The following HMGB1 variants were observed in gnomAD, a reference collection of about 807,000 sequenced individuals.
The protein encoded by HMGB1 is high mobility group protein B1.
For missense variants in HMGB1, 79 were observed against 253.5 expected (o/e 0.31, Z 4.67); for synonymous variants, 81 against 84.0 (o/e 0.96, Z 0.19).
At chr13:30,556,493 A>G (rs1869697367) in intron 1 of HMGB1, among the ~76,000 whole-genome samples, 1 of 152,232 alleles carries the variant, frequency 6.6e-6, no homozygotes, top group Non-Finnish European at 1.5e-5. Context: ...AATAGCCAAG[A>G]TATGGAGTCA....
chr13:30,492,634 T>C (rs759353908), intron 1 of HMGB1, among the ~76,000 whole-genome samples: 1 of 152,178 alleles, frequency 6.6e-6, no homozygotes, highest in Non-Finnish European at 1.5e-5. Context: ...TTGGTGAAGA[T>C]GTACAACTGC....
chr13:30,494,996 G>A (rs1887579028), intron 1 of HMGB1, among the ~76,000 whole-genome samples: 1 of 152,182 alleles, frequency 6.6e-6, no homozygotes, highest in African/African-American at 2.4e-5. Flanking sequence ...TGTAGTCTGT[G>A]TGAGCATTTC....
At chr13:30,608,669 A>T (rs954297491) in intron 1 of HMGB1, among the ~76,000 whole-genome samples, 2 of 152,192 alleles carry the variant, frequency 1.3e-5, no homozygotes, top group Non-Finnish European at 2.9e-5. Flanking sequence ...TTACACAGTA[A>T]ATGTAGTGGG....
At chr13:30,571,310 T>TC (rs1566028587) in intron 1 of HMGB1, among the ~76,000 whole-genome samples, 2 of 151,292 alleles carry the variant, frequency 1.3e-5, no homozygotes, top group Non-Finnish European at 2.9e-5. Flanking sequence ...TTTTTTTTTT[T>TC]CCGAGATGGA....
intron 1 of HMGB1, chr13:30,464,636 A>G: frequency 2.0e-6 from 2 of 983,412 alleles, no homozygotes; most frequent in Non-Finnish European, 2.4e-6. Flanking sequence ...CCCCGCTCGA[A>G]ATGGGGGCTG....
At chr13:30,607,510 G>A (rs1028318825) in intron 1 of HMGB1, among the ~76,000 whole-genome samples, 3 of 152,144 alleles carry the variant, frequency 2.0e-5, no homozygotes, top group Non-Finnish European at 2.9e-5. Context: ...AGTTTCCTGA[G>A]GCCTCCCCAG....
At chr13:30,497,648 C>A (rs950249068) in intron 1 of HMGB1, among the ~76,000 whole-genome samples, 20 of 152,082 alleles carry the variant, frequency 1.3e-4, no homozygotes, top group African/African-American at 4.8e-4. Context: ...TTGTTCCCCT[C>A]TTTGTATCCG....
chr13:30,569,690 A>G (rs1870346518), intron 1 of HMGB1, among the ~76,000 whole-genome samples: 1 of 152,196 alleles, frequency 6.6e-6, no homozygotes, highest in African/African-American at 2.4e-5. Flanking sequence ...GCTCTTAATC[A>G]CATCAACTTC....
chr13:30,503,022 A>T (rs1040236416), intron 1 of HMGB1, among the ~76,000 whole-genome samples: 1 of 151,954 alleles, frequency 6.6e-6, no homozygotes, highest in Admixed American at 6.6e-5. Flanking sequence ...GGTGAAGGAG[A>T]GGGATACAAA....
intron 1 of HMGB1, among the ~76,000 whole-genome samples, chr13:30,497,266 A>G (rs1376733652): frequency 6.6e-6 from 1 of 151,908 alleles, no homozygotes; most frequent in Admixed American, 6.6e-5. Context: ...ATTCTCTGTC[A>G]CCCGGGCTTG....
intron 1 of HMGB1, among the ~76,000 whole-genome samples, chr13:30,492,392 A>G (rs184248159): frequency 1.1e-3 from 168 of 152,336 alleles, no homozygotes; most frequent in African/African-American, 3.8e-3. Flanking sequence ...AATATTTGCA[A>G]TACATATAAT....
At chr13:30,476,565 ATAGAG>A (rs949363955) in intron 1 of HMGB1, among the ~76,000 whole-genome samples, 1 of 152,128 alleles carries the variant, frequency 6.6e-6, no homozygotes, top group Non-Finnish European at 1.5e-5. Context: ...AGCACTATAC[ATAGAG>A]TATTTTGTTT....
At chr13:30,476,125 T>G (rs949647947) in intron 1 of HMGB1, among the ~76,000 whole-genome samples, 1 of 148,796 alleles carries the variant, frequency 6.7e-6, no homozygotes, top group Non-Finnish European at 1.5e-5. Flanking sequence ...GTACTTTTTT[T>G]TTTTTTTTTT....
At chr13:30,609,577 GA>G (rs1950494770) in intron 1 of HMGB1, among the ~76,000 whole-genome samples, 1 of 152,158 alleles carries the variant, frequency 6.6e-6, no homozygotes, top group South Asian at 2.1e-4. Flanking sequence ...TGAGGCTTAA[GA>G]CAGCAAGAAC....
intron 1 of HMGB1, chr13:30,540,625 C>A (rs1465985854): frequency 6.7e-6 from 1 of 148,646 alleles, no homozygotes. Context: ...GCTCTTGTTG[C>A]CCAAGCTGGA....
At chr13:30,551,794 C>T (rs981695286) in intron 1 of HMGB1, among the ~76,000 whole-genome samples, 6 of 152,270 alleles carry the variant, frequency 3.9e-5, no homozygotes, top group Middle Eastern at 6.8e-3. Flanking sequence ...CAGCCTCAAA[C>T]TCCTGGGCTT....
At chr13:30,490,856 CTG>C (rs1164450772) in intron 1 of HMGB1, among the ~76,000 whole-genome samples, 2 of 151,980 alleles carry the variant, frequency 1.3e-5, no homozygotes, top group East Asian at 3.9e-4. Flanking sequence ...GTGCTTTTCT[CTG>C]TGTGTAGGCA....
chr13:30,461,761 T>G lies in HMGB1; in HGVS notation c.472-228A>C, dbSNP rs187519704. 67 of 1,118,406 alleles carry G rather than the reference T, an allele frequency of 6.0e-5. No individual in the cohort carries two copies. The East Asian group carries it at 1.3e-3, about 21-fold the overall frequency. 69.3% of individuals were successfully genotyped at this position (1,118,406 alleles called of 1,614,324 possible). ...ACTCATGAAATGGCATAGTCTAATA[T>G]TTGCAAAGTTATGCCTCATTGAGGT... On this transcript the variant is annotated intron_variant, in intron 4 of 4. Transcript: ENST00000341423.
At chr13:30,526,908 G>A (rs1888380335) in intron 1 of HMGB1, among the ~76,000 whole-genome samples, 2 of 152,244 alleles carry the variant, frequency 1.3e-5, no homozygotes, top group African/African-American at 4.8e-5. Flanking sequence ...ATCACAATCA[G>A]CCTGAGGTCC....
Sources: gnomAD v4.1 joint callset for allele counts (sites outside exome capture counted in the v4.1 genomes callset) on GRCh38, gnomAD v4.1.1 for gene constraint, MANE v1.5 for transcripts, NCBI Gene and HGNC (gene_info 2026-07-23, HGNC 2026-07-21) for gene names.